Variants in CDH13 observed in about 807,000 individuals in gnomAD.
CDH13 encodes cadherin-13.
A neutral mutation model predicts 63.8 loss-of-function variants in CDH13; 24 were observed. The ratio of observed to expected loss-of-function variants is 0.38; its 90% confidence interval spans 0.27 to 0.53. The LOEUF (loss-of-function observed/expected upper bound fraction) is 0.53, where lower values mean the gene tolerates loss of function less well. CDH13 is among the 20% of genes least tolerant of loss of function. The probability of loss-of-function intolerance (pLI) is 0.85; values close to 1 mark genes in which losing one functional copy is unlikely to be tolerated. For missense variants in CDH13, 1,049 were observed against 903.1 expected (o/e 1.16, Z -2.07); for synonymous variants, 503 against 355.3 (o/e 1.42, Z -4.67).
chr16:83,385,425 G>C (rs917671417), intron 6 of CDH13, among the ~76,000 whole-genome samples: 1 of 152,198 alleles, frequency 6.6e-6, no homozygotes, highest in Non-Finnish European at 1.5e-5. Flanking sequence ...AAGGTGGCCT[G>C]ATCACTTTTC....
intron 4 of CDH13, among the ~76,000 whole-genome samples, chr16:83,187,313 A>C (rs2038556632): frequency 6.6e-6 from 1 of 152,160 alleles, no homozygotes. Flanking sequence ...CACTCAAAGG[A>C]AGAAGGATAT....
intron 6 of CDH13, among the ~76,000 whole-genome samples, chr16:83,412,773 T>A (rs2092146798): frequency 6.6e-6 from 1 of 152,214 alleles, no homozygotes; most frequent in African/African-American, 2.4e-5. Flanking sequence ...GTGGAACAAT[T>A]CCACGTGCAC....
chr16:83,107,790 T>C (rs539334309), intron 3 of CDH13, among the ~76,000 whole-genome samples: 1 of 149,874 alleles, frequency 6.7e-6, no homozygotes, highest in African/African-American at 2.4e-5. Flanking sequence ...TTGTCCCTCC[T>C]CTTTTCTTTT....
chr16:83,294,540 C>T (rs914243913), intron 5 of CDH13, among the ~76,000 whole-genome samples: 6 of 151,936 alleles, frequency 3.9e-5, no homozygotes, highest in Admixed American at 6.6e-5. Context: ...CCTCCAGGTT[C>T]ATCCATGTTG....
chr16:82,744,707 A>C (rs2034082284), intron 1 of CDH13, among the ~76,000 whole-genome samples: 1 of 152,126 alleles, frequency 6.6e-6, no homozygotes, highest in African/African-American at 2.4e-5. Flanking sequence ...CATGCTAGGC[A>C]CTGCAGTGAA....
intron 2 of CDH13, among the ~76,000 whole-genome samples, chr16:82,904,250 C>T (rs17674758): frequency 0.011 from 1,747 of 152,170 alleles, 13 homozygotes; most frequent in Non-Finnish European, 0.018. Context: ...TTGATCTAAC[C>T]GATATGCCTC....
chr16:82,785,086 C>G (rs2035941701), intron 1 of CDH13, among the ~76,000 whole-genome samples: 2 of 152,130 alleles, frequency 1.3e-5, no homozygotes, highest in Admixed American at 6.5e-5. Context: ...TCTGCTCTGC[C>G]TGATGAAGTC....
intron 6 of CDH13, among the ~76,000 whole-genome samples, chr16:83,466,272 C>G (rs1415320663): frequency 2.0e-5 from 3 of 152,126 alleles, no homozygotes; most frequent in Admixed American, 2.0e-4. Context: ...AGGAAGACAC[C>G]AGGTTCAAGA....
At chr16:83,738,258 C>T (rs188003754) in intron 10 of CDH13, among the ~76,000 whole-genome samples, 5 of 152,288 alleles carry the variant, frequency 3.3e-5, no homozygotes, top group African/African-American at 9.6e-5. Flanking sequence ...ACACCAAGCG[C>T]GGTGCCTGGC....
chr16:83,046,989 C>A (rs1917848499), intron 3 of CDH13, among the ~76,000 whole-genome samples: 1 of 152,230 alleles, frequency 6.6e-6, no homozygotes, highest in African/African-American at 2.4e-5. Context: ...CAGATGGTTT[C>A]CTCAACTGTC....
At chr16:82,684,439 C>G (rs1914861260) in intron 1 of CDH13, among the ~76,000 whole-genome samples, 1 of 152,012 alleles carries the variant, frequency 6.6e-6, no homozygotes, top group Admixed American at 6.6e-5. Context: ...CTGCGGTGAG[C>G]AAGATTCTAG....
At chr16:83,584,413 T>C (rs1356148869) in intron 7 of CDH13, among the ~76,000 whole-genome samples, 1 of 152,188 alleles carries the variant, frequency 6.6e-6, no homozygotes, top group African/African-American at 2.4e-5. Context: ...TATGGTTTAT[T>C]GGGACACGAT....
At chr16:82,743,309 C>T (rs1415867028) in intron 1 of CDH13, among the ~76,000 whole-genome samples, 2 of 152,160 alleles carry the variant, frequency 1.3e-5, no homozygotes, top group African/African-American at 2.4e-5. Flanking sequence ...TCACTGCAGC[C>T]TCAGACTTCC....
At chr16:83,576,300 T>C (rs145396061) in intron 7 of CDH13, among the ~76,000 whole-genome samples, 5 of 152,384 alleles carry the variant, frequency 3.3e-5, no homozygotes, top group African/African-American at 1.2e-4. Context: ...CTTAGCATAA[T>C]GTTTTCAAGG....
chr16:82,728,994 A>T (rs748035540), intron 1 of CDH13, among the ~76,000 whole-genome samples: 1 of 152,020 alleles, frequency 6.6e-6, no homozygotes, highest in African/African-American at 2.4e-5. Context: ...ATAAGAAGCA[A>T]CTCCTCATCT....
At chr16:83,733,261 G>A (rs957664347) in intron 10 of CDH13, among the ~76,000 whole-genome samples, 6 of 152,200 alleles carry the variant, frequency 3.9e-5, no homozygotes, top group Non-Finnish European at 5.9e-5. Flanking sequence ...CACCTGTTTT[G>A]GTGATGGTGC....
At chr16:82,974,239 T>C (rs1909185002) in intron 2 of CDH13, among the ~76,000 whole-genome samples, 1 of 152,150 alleles carries the variant, frequency 6.6e-6, no homozygotes, top group Non-Finnish European at 1.5e-5. Context: ...ATGCCCGGCC[T>C]AAGCTTTCTT....
At chr16:83,654,235 A>AT (rs1430504429) in intron 8 of CDH13, among the ~76,000 whole-genome samples, 1 of 151,998 alleles carries the variant, frequency 6.6e-6, no homozygotes, top group Non-Finnish European at 1.5e-5. Context: ...AGTTTTTGCA[A>AT]TTAAAAATGG....
intron 6 of CDH13, among the ~76,000 whole-genome samples, chr16:83,353,584 CTT>C (rs368462968): frequency 4.5e-4 from 68 of 152,348 alleles, no homozygotes; most frequent in African/African-American, 1.6e-3. Flanking sequence ...GAAAACAACT[CTT>C]TTCATTTTTA....
Sources: allele counts gnomAD v4.1 joint callset (sites outside exome capture counted in the v4.1 genomes callset), GRCh38; gene constraint gnomAD v4.1.1; transcripts MANE v1.5; gene names NCBI Gene and HGNC (gene_info 2026-07-23, HGNC 2026-07-21).